PAMR1: variants seen among roughly 807,000 people sequenced by gnomAD.
PAMR1 encodes the protein peptidase domain containing associated with muscle regeneration 1.
A neutral mutation model predicts 81.8 loss-of-function variants in PAMR1; 88 were observed. The observed-to-expected ratio is 1.08, with a 90% CI of 0.91 to 1.28. The LOEUF is 1.28. Ranked by LOEUF, PAMR1 falls within the 50% of genes most tolerant of loss-of-function variation. The pLI is 0.00. For synonymous variants in PAMR1, 336 were observed against 345.3 expected (o/e 0.97, Z 0.30); for missense variants, 935 against 919.7 (o/e 1.02, Z -0.21).
At chr11:35,471,891 A>G (rs185586882) in intron 4 of PAMR1, among the ~76,000 whole-genome samples, 1 of 152,340 alleles carries the variant, frequency 6.6e-6, no homozygotes, top group African/African-American at 2.4e-5. Flanking sequence ...AAATAGAAAT[A>G]GAAAGGCCCA....
chr11:35,432,856 T>C lies in PAMR1; in HGVS notation c.1663A>G (p.Ile555Val). Residue 555 changes from isoleucine (I) to valine (V), a missense_variant, in exon 11 of 11, where the codon ATC becomes GTC. Transcript: ENST00000619888. ...ATGGCGATGTCAGCATCAAGCAGGA[T>C]GGGGTCATAGTTGGGATGCAGAATG... ...AIILHPNYDP[I>V]LLDADIAILK... The C allele has an allele frequency of 6.3e-7, 1 of 1,596,728 alleles. No homozygotes were observed. Among genetic ancestry groups the C allele is most frequent in the Middle Eastern group, 1.7e-4 (1 of 6,030 alleles).
chr11:35,435,816 C>A, intron 9 of PAMR1, 87 bp downstream of exon 9: 2 of 957,908 alleles, frequency 2.1e-6, no homozygotes, highest in South Asian at 1.4e-5. Flanking sequence ...ACTGGAGATG[C>A]TCTCCCAAAA....
Position 35,494,271 on chromosome 11 carries a change from C to T in PAMR1, c.75G>A (p.Glu25=). ...GGCAGGCTTCATTAATGACTGTGTA[C>T]TCTGAAATGGAAAACCAGCAGGTGA... ...QLLLISSLPR[E]YTVINEACPG... Residue 25 remains glutamate, a splice_region_variant and synonymous_variant, in exon 2 of 11, where the codon GAG becomes GAA. Coordinates refer to ENST00000619888, the MANE Select transcript of PAMR1 (RefSeq NM_001001991.3). 6.2e-7 allele frequency: 1 copy of T among 1,613,466 alleles called. No homozygotes were observed. Among genetic ancestry groups the T allele is most frequent in the Non-Finnish European group, 8.5e-7 (1 of 1,179,664 alleles).
intron 6 of PAMR1, among the ~76,000 whole-genome samples, chr11:35,454,977 C>T (rs1856498475): frequency 6.6e-6 from 1 of 152,202 alleles, no homozygotes; most frequent in Non-Finnish European, 1.5e-5. Context: ...TTGGTGCTGT[C>T]TGTGTAAAGC....
intron 10 of PAMR1, 89 bp downstream of exon 10, chr11:35,434,423 G>A: frequency 7.6e-7 from 1 of 1,308,114 alleles, no homozygotes. Context: ...ACATGCTAAG[G>A]GGACAGAGCT....
At chr11:35,504,798 A>G (rs1850367) in intron 1 of PAMR1, among the ~76,000 whole-genome samples, 47,366 of 151,168 alleles carry the variant, frequency 0.31, 7,494 homozygotes, top group African/African-American at 0.37. Context: ...TGTTGATTTT[A>G]TCTTTTCAAA....
Position 35,476,207 on chromosome 11 carries a change from A to C in PAMR1, c.380-1463T>G, listed in dbSNP as rs548996196. Among the ~76,000 whole-genome samples the C allele has an allele frequency of 3.2e-4, 49 of 152,236 alleles. 1 individual carries two copies. Among genetic ancestry groups the C allele is most frequent in the African/African-American group, 1.0e-3 (43 of 41,556 alleles). On this transcript the variant is annotated intron_variant, in intron 3 of 10. Coordinates refer to ENST00000619888, the MANE Select transcript of PAMR1 (RefSeq NM_001001991.3). ...TGGAAAGCATCATCCACCAGTTTCCACTTGGGGCTCCTGTCTAGCCCCAGC... is the reference window on the plus strand; with the variant it reads ...TGGAAAGCATCATCCACCAGTTTCCCCTTGGGGCTCCTGTCTAGCCCCAGC...
intron 1 of PAMR1, among the ~76,000 whole-genome samples, chr11:35,509,855 G>A (rs115175300): frequency 1.9e-4 from 29 of 152,304 alleles, no homozygotes; most frequent in African/African-American, 6.7e-4. Context: ...TACTGGAATT[G>A]AGCAAACTTA....
chr11:35,523,636 A>G (rs1851326694), intron 1 of PAMR1, among the ~76,000 whole-genome samples: 1 of 152,354 alleles, frequency 6.6e-6, no homozygotes, highest in Non-Finnish European at 1.5e-5. Context: ...TACGCTTCCA[A>G]GCTTTTCTTG....
intron 6 of PAMR1, among the ~76,000 whole-genome samples, chr11:35,459,759 C>T (rs562761700): frequency 1.3e-5 from 2 of 152,312 alleles, no homozygotes; most frequent in South Asian, 4.1e-4. Context: ...CTGGAAACTG[C>T]ATGGCATGTA....
intron 3 of PAMR1, among the ~76,000 whole-genome samples, chr11:35,487,538 C>T (rs534133026): frequency 2.6e-5 from 4 of 152,304 alleles, no homozygotes; most frequent in East Asian, 1.9e-4. Context: ...GCATCACCTC[C>T]CTAGGAACTC....
intron 1 of PAMR1, among the ~76,000 whole-genome samples, chr11:35,497,823 A>G (rs568121023): frequency 8.5e-5 from 13 of 152,366 alleles, no homozygotes; most frequent in African/African-American, 2.9e-4. Context: ...CATTGCAAGT[A>G]AAATATCTAA....
intron 9 of PAMR1, 75 bp downstream of exon 9, chr11:35,435,828 G>T: frequency 9.0e-7 from 1 of 1,105,356 alleles, no homozygotes; most frequent in Non-Finnish European, 1.4e-6. Flanking sequence ...CTCCCAAAAA[G>T]TAGGGTTAAT....
intron 6 of PAMR1, among the ~76,000 whole-genome samples, chr11:35,456,377 A>G (rs1246814929): frequency 2.0e-5 from 3 of 152,210 alleles, no homozygotes; most frequent in African/African-American, 7.2e-5. Flanking sequence ...CAGTGGGTTC[A>G]TACCACTTAG....
intron 5 of PAMR1, among the ~76,000 whole-genome samples, chr11:35,469,557 C>G (rs1856813032): frequency 6.6e-6 from 1 of 152,222 alleles, no homozygotes; most frequent in African/African-American, 2.4e-5. Context: ...CTCCCAGGCC[C>G]TGCACAGCTC....
intron 5 of PAMR1, among the ~76,000 whole-genome samples, 196 bp downstream of exon 5, chr11:35,470,405 A>C (rs930878154): frequency 1.3e-5 from 2 of 152,192 alleles, no homozygotes; most frequent in African/African-American, 4.8e-5. Context: ...AAGGGAGATC[A>C]TTCCTAGTTC....
At chr11:35,469,453 T>C (rs556054950) in intron 5 of PAMR1, among the ~76,000 whole-genome samples, 45 of 152,176 alleles carry the variant, frequency 3.0e-4, no homozygotes, top group Non-Finnish European at 1.2e-4. Flanking sequence ...ACACATCTCA[T>C]GTGGGACGTT....
rs939511220 is a variant in PAMR1, at chr11:35,432,939, A to C, written c.1627-47T>G. The C allele has an allele frequency of 3.3e-6, 5 of 1,497,134 alleles. No homozygotes were observed. In the African/African-American group the frequency reaches 5.5e-5, roughly 17 times the overall value. 92.7% of individuals were successfully genotyped at this position (1,497,134 alleles called of 1,614,324 possible). On this transcript the variant is annotated intron_variant, in intron 10 of 10. Transcript: ENST00000619888. Reference sequence around the variant, plus strand: ...AGCAATGGTGAGGAGCCAGCTCCACAGTGGATAAGAACAGACAAGGCTTGG... The same window carrying C: ...AGCAATGGTGAGGAGCCAGCTCCACCGTGGATAAGAACAGACAAGGCTTGG...
chr11:35,513,092 G>A (rs1372149472), intron 1 of PAMR1, among the ~76,000 whole-genome samples: 1 of 152,236 alleles, frequency 6.6e-6, no homozygotes, highest in Non-Finnish European at 1.5e-5. Context: ...CTTATCAGTA[G>A]TCTATTCAGA....
Sources: allele counts gnomAD v4.1 joint callset (sites outside exome capture counted in the v4.1 genomes callset), GRCh38; gene constraint gnomAD v4.1.1; transcripts MANE v1.5; gene names NCBI Gene and HGNC (gene_info 2026-07-23, HGNC 2026-07-21).